CTNNAL1: variants seen among roughly 807,000 people sequenced by gnomAD.
The protein encoded by CTNNAL1 is alpha-catulin.
In CTNNAL1, 69 loss-of-function variants were observed where a neutral mutation model predicts 93.6. The observed-to-expected ratio is 0.74, with a 90% CI of 0.61 to 0.90. CTNNAL1 has a LOEUF of 0.90. Ranked by LOEUF, CTNNAL1 falls within the 40% of genes least tolerant of loss-of-function variation. CTNNAL1 has a pLI of 0.00. For missense variants in CTNNAL1, 836 were observed against 862.0 expected, an observed-to-expected ratio of 0.97 and a Z score of 0.38; for synonymous variants, 286 against 305.4, an observed-to-expected ratio of 0.94 and a Z score of 0.66.
At chr9:108,985,859 C>T (rs1056760599) in intron 4 of CTNNAL1, among the ~76,000 whole-genome samples, 4 of 152,014 alleles carry the variant, frequency 2.6e-5, no homozygotes, top group Admixed American at 2.6e-4. Context: ...TGATAACAAG[C>T]GACAGAAAAA....
intron 11 of CTNNAL1, among the ~76,000 whole-genome samples, chr9:108,959,141 T>C (rs1830760107): frequency 6.7e-6 from 1 of 149,692 alleles, no homozygotes; most frequent in East Asian, 2.0e-4. Context: ...AGGCAGATTA[T>C]GAGGTCAGGA....
At chr9:108,963,689 C>T (rs1830878515) in intron 11 of CTNNAL1, 1 of 152,322 alleles carries the variant, frequency 6.6e-6, no homozygotes, top group African/African-American at 2.4e-5. Flanking sequence ...AGCCTCCCTA[C>T]TGGGCTGATG....
Position 108,945,417 on chromosome 9 carries a change from G to A in CTNNAL1, c.1885-1399C>T, listed in dbSNP as rs181802979. Among the ~76,000 whole-genome samples, 18 of 148,736 alleles carry A rather than the reference G, an allele frequency of 1.2e-4. No homozygotes were observed. The East Asian group carries it at 2.4e-3, about 20-fold the overall frequency. On this transcript the variant is annotated intron_variant, in intron 15 of 18. Transcript: ENST00000325551. ...CCTTGGAACTCTAACCTTTTAAAAT[G>A]TATTTTGTTTTTTTTTACTGTTGTT...
At chr9:108,969,450 A>G (rs928067441) in intron 10 of CTNNAL1, among the ~76,000 whole-genome samples, 8 of 152,216 alleles carry the variant, frequency 5.3e-5, no homozygotes, top group Admixed American at 1.3e-4. Context: ...ATTGTCATAT[A>G]GGTATTTTCA....
chr9:108,975,342 T>C (rs1587965054), intron 8 of CTNNAL1, among the ~76,000 whole-genome samples: 1 of 144,964 alleles, frequency 6.9e-6, no homozygotes, highest in Admixed American at 7.0e-5. Context: ...GGGGTGGGGG[T>C]AGGGGGGGCA....
At position 108,987,347 on chromosome 9, in the gene CTNNAL1, A is replaced by C. The variant is rs982477992; in HGVS notation, c.640-2911T>G. Among the ~76,000 whole-genome samples, 511 of 151,990 alleles carry C rather than the reference A, an allele frequency of 3.4e-3. 3 individuals carry two copies. Among genetic ancestry groups the C allele is most frequent in the African/African-American group, 0.012 (497 of 41,408 alleles). ...AAAGATCAGATAGTTGTAGATATGC[A>C]GCATTATTTCTGAGGGCTCTGTTCT... is the stretch of plus-strand genomic sequence containing the variant. On this transcript the variant is annotated intron_variant, in intron 4 of 18. Coordinates refer to ENST00000325551, the MANE Select transcript of CTNNAL1 (RefSeq NM_003798.4).
intron 3 of CTNNAL1, chr9:108,991,905 C>T: frequency 1.6e-6 from 1 of 624,696 alleles, no homozygotes. Context: ...GCATGACCAT[C>T]ATCTGAGAGA....
At chr9:108,999,965 A>G (rs1433833084) in intron 1 of CTNNAL1, among the ~76,000 whole-genome samples, 4 of 152,216 alleles carry the variant, frequency 2.6e-5, no homozygotes, top group Non-Finnish European at 5.9e-5. Context: ...TTTATTAAAG[A>G]AATGTTGTAT....
intron 7 of CTNNAL1, among the ~76,000 whole-genome samples, chr9:108,977,862 C>T (rs1480286338): frequency 2.0e-5 from 3 of 152,158 alleles, no homozygotes; most frequent in Middle Eastern, 3.2e-3. Context: ...GCTATTTGTA[C>T]TTGTCTCACC....
At position 109,013,287 on chromosome 9, in the gene CTNNAL1, C is replaced by T; in HGVS notation, c.141+15G>A. ...GCGGGAAGGAGAAGAGGGGCCGCGC[C>T]AGGCGCCACTTTACCTGAGAAACCA... On this transcript the variant is annotated intron_variant, in intron 1 of 18. Coordinates refer to ENST00000325551, the MANE Select transcript of CTNNAL1 (RefSeq NM_003798.4). The T allele has an allele frequency of 6.7e-7, 1 of 1,483,084 alleles. No individual in the cohort carries two copies. The highest frequency in any genetic ancestry group is 2.9e-5 in the East Asian group (1 of 34,436). The allele number at this position is 1,483,084 out of a possible 1,614,324, so 91.9% of individuals were successfully genotyped here.
rs1004359120 is a variant in CTNNAL1, at chr9:108,955,784, A to G, written c.1629+6T>C. Reference sequence around the variant, plus strand: ...ATTCTGCAATGTACATAATTCTTCTACTTACCATTGGCTTTGGAAGTGAAA... The same window carrying G: ...ATTCTGCAATGTACATAATTCTTCTGCTTACCATTGGCTTTGGAAGTGAAA... On this transcript the variant is annotated splice_donor_region_variant and intron_variant, in intron 12 of 18. Coordinates refer to ENST00000325551, the MANE Select transcript of CTNNAL1 (RefSeq NM_003798.4). 1 of 1,601,090 alleles carries G rather than the reference A, an allele frequency of 6.2e-7. No individual in the cohort carries two copies. The highest frequency in any genetic ancestry group is 8.5e-7 in the Non-Finnish European group (1 of 1,173,282).
Position 108,943,129 on chromosome 9 carries a change from A to T in CTNNAL1, c.2056-85T>A, listed in dbSNP as rs1473820898. On this transcript the variant is annotated intron_variant, in intron 17 of 18. Transcript: ENST00000325551. The stretch of plus-strand genomic sequence containing the variant: ...ATTTATTTAGTTTTAACATGATAAA[A>T]TTTCTCCATATGGAAATCTAAGGGA... 6 of 1,210,054 alleles carry T rather than the reference A, an allele frequency of 5.0e-6. No homozygotes were observed. The African/African-American group carries it at 9.3e-5, about 19-fold the overall frequency. The allele number at this position is 1,210,054 out of a possible 1,614,324, so 75.0% of individuals were successfully genotyped here. A position where few individuals can be genotyped will look rare whatever the true frequency, so the allele number is the denominator to read the frequency against.
intron 3 of CTNNAL1, chr9:108,992,176 C>T (rs902346182): frequency 1.6e-6 from 1 of 616,988 alleles, no homozygotes; most frequent in East Asian, 2.8e-5. Context: ...ATGTTGTACA[C>T]ATTTAAAGCT....
intron 6 of CTNNAL1, among the ~76,000 whole-genome samples, chr9:108,982,086 C>T (rs182081086): frequency 6.6e-4 from 101 of 152,246 alleles, no homozygotes; most frequent in Non-Finnish European, 1.1e-3. Flanking sequence ...TACTAGATGA[C>T]TTCTTAGGGC....
intron 11 of CTNNAL1, among the ~76,000 whole-genome samples, chr9:108,964,874 ATTTT>A (rs941427563): frequency 2.0e-5 from 3 of 151,224 alleles, no homozygotes; most frequent in African/African-American, 7.3e-5. Flanking sequence ...TTATTTATTT[ATTTT>A]TTGAGACAGA....
intron 15 of CTNNAL1, among the ~76,000 whole-genome samples, chr9:108,947,115 CTTT>C (rs34477684): frequency 3.7e-5 from 5 of 136,260 alleles, no homozygotes; most frequent in African/African-American, 5.4e-5. Flanking sequence ...AAATTTCTTT[CTTT>C]TTTTTTTTTT....
At chr9:108,944,401 G>T (rs1353275061) in intron 15 of CTNNAL1, among the ~76,000 whole-genome samples, 1 of 149,236 alleles carries the variant, frequency 6.7e-6, no homozygotes, top group African/African-American at 2.4e-5. Context: ...GGTCAAAAGG[G>T]TTAGGACCTT....
At chr9:108,961,159 T>C (rs966842545) in intron 11 of CTNNAL1, among the ~76,000 whole-genome samples, 1 of 152,178 alleles carries the variant, frequency 6.6e-6, no homozygotes, top group Non-Finnish European at 1.5e-5. Context: ...AGCAAAGGCT[T>C]TTCAACAATA....
intron 1 of CTNNAL1, among the ~76,000 whole-genome samples, chr9:109,011,374 A>G (rs1827198205): frequency 6.6e-6 from 1 of 151,376 alleles, no homozygotes; most frequent in East Asian, 1.9e-4. Flanking sequence ...GGAAAAAGAA[A>G]AAAAAAAAAA....
Sources: allele counts gnomAD v4.1 joint callset (sites outside exome capture counted in the v4.1 genomes callset), GRCh38; gene constraint gnomAD v4.1.1; transcripts MANE v1.5; gene names NCBI Gene and HGNC (gene_info 2026-07-23, HGNC 2026-07-21).